Variants in RALGDS observed in about 807,000 individuals in gnomAD.
The protein encoded by RALGDS is ral guanine nucleotide exchange factor.
In RALGDS, 44 loss-of-function variants were observed where a neutral mutation model predicts 99.8. That is an observed-to-expected ratio of 0.44 (90% CI 0.35 to 0.57). RALGDS has a LOEUF of 0.57. Ranked by LOEUF, RALGDS falls within the 20% of genes least tolerant of loss-of-function variation. RALGDS has a pLI of 0.01. For synonymous variants in RALGDS, 529 were observed against 505.0 expected (o/e 1.05, Z -0.64); for missense variants, 1,022 against 1,203.1 (o/e 0.85, Z 2.23).
At chr9:133,099,070 C>T (rs2119108968) in intron 17 of RALGDS, 2 of 386,720 alleles carry the variant, frequency 5.2e-6, no homozygotes, top group East Asian at 5.5e-5. Context: ...CCACCTGGAA[C>T]AGGCTTTCTA....
At chr9:133,100,129 G>A in intron 17 of RALGDS, 139 bp downstream of exon 17, 1 of 813,946 alleles carries the variant, frequency 1.2e-6, no homozygotes, top group Non-Finnish European at 2.1e-6. Flanking sequence ...AGACAATGGG[G>A]GCAGCCAGGG....
intron 1 of RALGDS, chr9:133,129,514 G>T (rs1251368776): frequency 3.6e-5 from 43 of 1,206,890 alleles, no homozygotes; most frequent in Non-Finnish European, 3.8e-5. Context: ...AGCCGAGGAC[G>T]AGTGGAGAGG....
intron 8 of RALGDS, 122 bp from the exon 9 acceptor site, chr9:133,106,138 C>T (rs1255949201): frequency 1.3e-6 from 1 of 754,914 alleles, no homozygotes; most frequent in African/African-American, 1.8e-5. Context: ...CACAGGGTAC[C>T]CCAGAGCACT....
At position 133,108,865 on chromosome 9, in the gene RALGDS, C is replaced by T; in HGVS notation, c.586G>A (p.Ala196Thr). The T allele has an allele frequency of 1.2e-6, 2 of 1,611,150 alleles. No individual in the cohort carries two copies. The highest frequency in any genetic ancestry group is 8.5e-7 in the Non-Finnish European group (1 of 1,178,746). Residue 196 changes from alanine (A) to threonine (T), a missense_variant and splice_region_variant, in exon 5 of 18, where the codon GCC becomes ACC. By Grantham distance (58) the Ala-to-Thr change is moderately conservative. This residue lies in a region of RALGDS where 825 missense variants were observed against 994.5 expected (regional missense o/e 0.83). Coordinates refer to ENST00000372050, the MANE Select transcript of RALGDS (RefSeq NM_006266.4). Reference sequence around the variant, plus strand: ...CAGGTGCCCAGGATGGAGGAGATGGCACTGGGGACAGGTGGGTGGCAGCAG... The same window carrying T: ...CAGGTGCCCAGGATGGAGGAGATGGTACTGGGGACAGGTGGGTGGCAGCAG... ...DGGPQDQLKN[A>T]ISSILGTWLD...
intron 1 of RALGDS, 141 bp from the exon 2 acceptor site, chr9:133,112,293 T>A (rs1446860894): frequency 1.5e-6 from 1 of 680,450 alleles, no homozygotes; most frequent in Admixed American, 2.1e-5. Flanking sequence ...TGGGGTGGAA[T>A]GAGATCACAG....
At chr9:133,112,862 TGAC>T (rs1831419285) in intron 1 of RALGDS, among the ~76,000 whole-genome samples, 1 of 152,158 alleles carries the variant, frequency 6.6e-6, no homozygotes, top group South Asian at 2.1e-4. Flanking sequence ...CCCAGTTCCC[TGAC>T]CATCATCACG....
intron 8 of RALGDS, 34 bp from the exon 9 acceptor site, chr9:133,106,050 G>A (rs1213031491): frequency 3.9e-6 from 6 of 1,529,140 alleles, no homozygotes; most frequent in Non-Finnish European, 5.4e-6. Flanking sequence ...AGAGAAAGCT[G>A]GGAATGGTAG....
At chr9:133,099,123 G>T (rs960051281) in intron 17 of RALGDS, 2 of 291,376 alleles carry the variant, frequency 6.9e-6, no homozygotes, top group Non-Finnish European at 1.3e-5. Context: ...CTCAGGACAA[G>T]GGATCCAAGG....
At chr9:133,102,633 C>T in intron 13 of RALGDS, 62 bp from the exon 14 acceptor site, 1 of 1,607,046 alleles carries the variant, frequency 6.2e-7, no homozygotes, top group Non-Finnish European at 8.5e-7. Context: ...CCCCCAGCAC[C>T]TGCCCAGAAG....
In RALGDS at chr9:133,098,693, AG is replaced by A; in HGVS notation, c.2638del (p.Leu880SerfsTer10). ...MNSTANYDFV[L>X]KKRTFTKGVK... ...TCCCTTGGTGAAGGTCCGCTTCTTG[AG>A]GACAAAGTCATAGTTGGCGGTAGAG... On this transcript the variant is annotated frameshift_variant, in exon 18 of 18. Coordinates refer to ENST00000372050, the MANE Select transcript of RALGDS (RefSeq NM_006266.4). LOFTEE classifies it high-confidence loss of function. 1 of 1,614,092 alleles carries A rather than the reference AG, an allele frequency of 6.2e-7. No homozygotes were observed. The highest frequency in any genetic ancestry group is 8.5e-7 in the Non-Finnish European group (1 of 1,179,998).
rs1340555498 is a variant in RALGDS at position 133,098,913 on chromosome 9, A to G, written c.2570-151T>C. The G allele has an allele frequency of 1.1e-5, 8 of 712,144 alleles. No homozygotes were observed. In the East Asian group the frequency reaches 1.4e-4, roughly 12 times the overall value. 44.1% of individuals were successfully genotyped at this position (712,144 alleles called of 1,614,324 possible). A position where few individuals can be genotyped will look rare whatever the true frequency, so the allele number is the denominator to read the frequency against. ...TCCAGAACTCCAAGGACCCCTCTCA[A>G]TGACTCCTGCCTGAGGACAGACTCT... On this transcript the variant is annotated intron_variant, in intron 17 of 17. Coordinates refer to ENST00000372050, the MANE Select transcript of RALGDS (RefSeq NM_006266.4).
At chr9:133,107,466 AAG>A (rs1467799302) in intron 6 of RALGDS, among the ~76,000 whole-genome samples, 166 bp from the exon 7 acceptor site, 1 of 152,216 alleles carries the variant, frequency 6.6e-6, no homozygotes, top group Admixed American at 6.5e-5. Context: ...TGGTGGGAAG[AAG>A]AGGAGCACCG....
Position 133,102,840 on chromosome 9 carries a change from C to T in RALGDS, c.1852G>A (p.Ala618Thr), listed in dbSNP as rs200859688. The change falls in exon 13 of 18, where the codon GCG (alanine) becomes ACG (threonine). Residue 618 changes from alanine (A) to threonine (T), a missense_variant. Physicochemically the swap from Ala to Thr is moderately conservative, Grantham distance 58. Around this residue, in one of 3 missense-constraint regions of RALGDS, gnomAD observed 825 missense variants for 994.5 expected, o/e 0.83. Transcript: ENST00000372050. ...LQSACNNYSI[A>T]PDEQFGAWFR... ...CAGGCCCCAAATTGCTCATCTGGCG[C>T]GATGCTGTAGTTGTTGCAGGCCGAC... 95 of 1,613,660 alleles carry T rather than the reference C, an allele frequency of 5.9e-5. No individual in the cohort carries two copies. The South Asian group carries it at 8.5e-4, about 14-fold the overall frequency.
chr9:133,104,319 T>C lies in RALGDS; in HGVS notation c.1615A>G (p.Lys539Glu). The change falls in exon 10 of 18, where the codon AAG becomes GAG. Residue 539 changes from lysine (K) to glutamate (E), a missense_variant. Lys to Glu is a moderately conservative substitution (Grantham distance 56). Coordinates refer to ENST00000372050, the MANE Select transcript of RALGDS (RefSeq NM_006266.4). Reference protein sequence around the residue: ...RELLIKEGTSKFATLEMNPKR... With the variant: ...RELLIKEGTSEFATLEMNPKR... ...GGGTTCATCTCCAGGGTGGCAAACT[T>C]GGAGGTGCCCTCCTGCCAGGGTAGA... 6.2e-7 allele frequency: 1 copy of C among 1,613,480 alleles called. No homozygotes were observed. Among genetic ancestry groups the C allele is most frequent in the Non-Finnish European group, 8.5e-7 (1 of 1,179,442 alleles).
chr9:133,105,673 C>T (rs1830982353), intron 9 of RALGDS, among the ~76,000 whole-genome samples: 1 of 152,170 alleles, frequency 6.6e-6, no homozygotes. Flanking sequence ...ATCTACTCCT[C>T]CTGGAACCTC....
chr9:133,108,641 C>T (rs1347091635), intron 5 of RALGDS, 32 bp downstream of exon 5: 1 of 1,610,976 alleles, frequency 6.2e-7, no homozygotes, highest in Non-Finnish European at 8.5e-7. Context: ...CCTCCTCATT[C>T]ACCCTCTGGC....
intron 1 of RALGDS, among the ~76,000 whole-genome samples, chr9:133,127,071 C>T (rs1218069879): frequency 1.3e-5 from 2 of 152,266 alleles, no homozygotes; most frequent in Admixed American, 1.3e-4. Flanking sequence ...CTTCATGCCG[C>T]CCCTTCTGTC....
intron 1 of RALGDS, among the ~76,000 whole-genome samples, chr9:133,113,703 C>T (rs963294021): frequency 3.0e-4 from 45 of 152,294 alleles, no homozygotes; most frequent in African/African-American, 1.0e-3. Flanking sequence ...GAGGTTACAG[C>T]GACCAGGGCC....
intron 9 of RALGDS, chr9:133,104,577 C>G (rs1420352079): frequency 7.6e-6 from 4 of 525,990 alleles, no homozygotes; most frequent in Non-Finnish European, 1.4e-5. Flanking sequence ...TTTGGAAGGC[C>G]AAGGCAGGTG....
Sources: allele counts gnomAD v4.1 joint callset (sites outside exome capture counted in the v4.1 genomes callset), GRCh38; gene constraint gnomAD v4.1.1; regional missense constraint gnomAD v4.1.1; transcripts MANE v1.5; gene names NCBI Gene and HGNC (gene_info 2026-07-23, HGNC 2026-07-21).